The following WIPF3 variants were observed in gnomAD, a reference collection of about 807,000 sequenced individuals.
The protein encoded by WIPF3 is WAS/WASL-interacting protein family member 3.
A neutral mutation model predicts 38.9 loss-of-function variants in WIPF3; 33 were observed. That is an observed-to-expected ratio of 0.85 (90% CI 0.64 to 1.14). The LOEUF is 1.14. Ranked by LOEUF, WIPF3 falls within the 50% of genes most tolerant of loss-of-function variation. The pLI is 0.00. For synonymous variants in WIPF3, 324 were observed against 269.3 expected (o/e 1.20, Z -1.99); for missense variants, 711 against 652.5 (o/e 1.09, Z -0.98).
intron 2 of WIPF3, among the ~76,000 whole-genome samples, chr7:29,859,886 G>GA (rs1361204178): frequency 2.0e-5 from 3 of 152,200 alleles, no homozygotes; most frequent in Non-Finnish European, 4.4e-5. Flanking sequence ...CTGGGCCTTG[G>GA]AAGCTGAGTG....
At chr7:29,836,835 C>A (rs1784811284) in intron 2 of WIPF3, among the ~76,000 whole-genome samples, 1 of 151,918 alleles carries the variant, frequency 6.6e-6, no homozygotes, top group Admixed American at 6.6e-5. Flanking sequence ...CTAAAAAATA[C>A]AAAAATTAGT....
chr7:29,813,016 G>T (rs533912203), intron 1 of WIPF3, among the ~76,000 whole-genome samples: 1 of 152,036 alleles, frequency 6.6e-6, no homozygotes, highest in Non-Finnish European at 1.5e-5. Context: ...AAAATGTTTC[G>T]AATTAAAATC....
Position 29,844,113 on chromosome 7 carries a change from T to C in WIPF3, c.90+9299T>C, listed in dbSNP as rs1290946966. On this transcript the variant is annotated intron_variant, in intron 2 of 8. Transcript: ENST00000242140. This position sits in a 1 kb window ranked among gnomAD's most constrained non-coding sequence, Gnocchi z 4.8. Reference sequence around the variant, plus strand: ...TAGTCCCAATTACGTAAAAGAAAACTGTGTGTGCACAGGCTTGCCTATGCA... The same window carrying C: ...TAGTCCCAATTACGTAAAAGAAAACCGTGTGTGCACAGGCTTGCCTATGCA... 1.3e-5 allele frequency among the ~76,000 whole-genome samples: 2 copies of C among 152,164 alleles called. No homozygotes were observed. The highest frequency in any genetic ancestry group is 1.3e-4 in the Admixed American group (2 of 15,286).
chr7:29,818,452 C>CA (rs1316643512), intron 1 of WIPF3, among the ~76,000 whole-genome samples: 3 of 146,284 alleles, frequency 2.1e-5, no homozygotes, highest in East Asian at 2.0e-4. Flanking sequence ...GACTCCATCT[C>CA]AAAAAAAATA....
chr7:29,874,189 G>A (rs1438184714), intron 2 of WIPF3, among the ~76,000 whole-genome samples: 2 of 151,822 alleles, frequency 1.3e-5, no homozygotes, highest in Non-Finnish European at 2.9e-5. Flanking sequence ...TAAGAGCAAA[G>A]ACAGCTCTGA....
intron 2 of WIPF3, among the ~76,000 whole-genome samples, chr7:29,859,713 G>C (rs886385872): frequency 6.6e-6 from 1 of 152,070 alleles, no homozygotes; most frequent in Non-Finnish European, 1.5e-5. Flanking sequence ...GTTTCCTCTC[G>C]ATCTCAAGGG....
intron 1 of WIPF3, among the ~76,000 whole-genome samples, chr7:29,829,295 C>T (rs1467468392): frequency 6.7e-6 from 1 of 149,840 alleles, no homozygotes; most frequent in Non-Finnish European, 1.5e-5. Flanking sequence ...TCACTGCAAC[C>T]TCCGCCTCCC....
intron 2 of WIPF3, among the ~76,000 whole-genome samples, chr7:29,874,442 A>G (rs61486164): frequency 0.3 from 46,120 of 151,800 alleles, 7,456 homozygotes; most frequent in African/African-American, 0.4. Flanking sequence ...GTGACAGAGG[A>G]AAAAGGAATA....
chr7:29,874,798 T>C (rs1480683920), intron 2 of WIPF3, among the ~76,000 whole-genome samples: 1 of 152,216 alleles, frequency 6.6e-6, no homozygotes, highest in Non-Finnish European at 1.5e-5. Flanking sequence ...GTGAAGCAGG[T>C]GTATCTCAGG....
chr7:29,851,794 C>T (rs181770684), intron 2 of WIPF3, among the ~76,000 whole-genome samples: 44 of 152,302 alleles, frequency 2.9e-4, no homozygotes, highest in African/African-American at 9.9e-4. Flanking sequence ...TCAGTGCCCT[C>T]TGGGTAACCT....
intron 2 of WIPF3, among the ~76,000 whole-genome samples, chr7:29,862,429 CT>C (rs2128070830): frequency 6.6e-6 from 1 of 152,256 alleles, no homozygotes; most frequent in South Asian, 2.1e-4. Context: ...AGGATGGTCA[CT>C]TGGGCTGGGA....
chr7:29,886,015 T>C (rs1009735015), intron 5 of WIPF3, among the ~76,000 whole-genome samples: 7 of 152,240 alleles, frequency 4.6e-5, no homozygotes, highest in Admixed American at 4.6e-4. Flanking sequence ...ATTGTTAAAA[T>C]GTCTTTATAA....
At chr7:29,897,604 A>T (rs1297386750) in intron 7 of WIPF3, among the ~76,000 whole-genome samples, 1 of 152,222 alleles carries the variant, frequency 6.6e-6, no homozygotes, top group Non-Finnish European at 1.5e-5. Flanking sequence ...CAGTAAAAAC[A>T]CGCACCGTTA....
intron 2 of WIPF3, among the ~76,000 whole-genome samples, chr7:29,867,181 C>T (rs1470507884): frequency 1.3e-5 from 2 of 152,172 alleles, no homozygotes; most frequent in African/African-American, 2.4e-5. Context: ...AATTCCTTTA[C>T]CCAAACGCCA....
At chr7:29,892,686 A>G (rs544229783) in intron 7 of WIPF3, among the ~76,000 whole-genome samples, 1 of 152,264 alleles carries the variant, frequency 6.6e-6, no homozygotes, top group South Asian at 2.1e-4. Context: ...ACCCAGGGCC[A>G]GTTCCATTTG....
intron 2 of WIPF3, among the ~76,000 whole-genome samples, chr7:29,864,033 T>G (rs1785345787): frequency 1.3e-5 from 2 of 152,218 alleles, no homozygotes; most frequent in African/African-American, 4.8e-5. Flanking sequence ...TTATTTGTCT[T>G]ATGTTATTGT....
At chr7:29,869,896 A>G (rs896617136) in intron 2 of WIPF3, among the ~76,000 whole-genome samples, 1 of 152,130 alleles carries the variant, frequency 6.6e-6, no homozygotes, top group Non-Finnish European at 1.5e-5. Flanking sequence ...TTATACATAA[A>G]CTCATGGTAC....
chr7:29,858,646 A>G (rs1418899921), intron 2 of WIPF3, among the ~76,000 whole-genome samples: 1 of 152,240 alleles, frequency 6.6e-6, no homozygotes, highest in Non-Finnish European at 1.5e-5. Context: ...ATGAGAGCCT[A>G]CATTTTATTT....
intron 2 of WIPF3, among the ~76,000 whole-genome samples, chr7:29,871,622 T>G (rs1182144345): frequency 6.6e-6 from 1 of 152,200 alleles, no homozygotes; most frequent in East Asian, 1.9e-4. Flanking sequence ...GAGATGTGTA[T>G]GTCAAAGTTT....
Sources: gnomAD v4.1 joint callset for allele counts (sites outside exome capture counted in the v4.1 genomes callset) on GRCh38, gnomAD v4.1.1 for gene constraint, Gnocchi (gnomAD v3.1) non-coding constraint, MANE v1.5 for transcripts, NCBI Gene and HGNC (gene_info 2026-07-23, HGNC 2026-07-21) for gene names.